Variants in AHNAK2 observed in about 807,000 individuals in gnomAD.
The protein encoded by AHNAK2 is protein AHNAK2.
AHNAK2 carries 18 observed loss-of-function variants against 30.7 expected under a neutral mutation model. The observed-to-expected ratio is 0.59, with a 90% CI of 0.41 to 0.87. The LOEUF (loss-of-function observed/expected upper bound fraction) is 0.87. Among genes scored for constraint, AHNAK2 ranks in the 40% least tolerant of loss-of-function variants. The pLI is 0.00. For missense variants in AHNAK2, 8,604 were observed against 7,373.0 expected (o/e 1.17, Z -6.11); for synonymous variants, 3,590 against 3,073.8 (o/e 1.17, Z -5.56).
Position 104,939,303 on chromosome 14 carries a change from G to C in AHNAK2, c.16148C>G (p.Thr5383Ser). The change falls in exon 7 of 7, where the codon ACT (threonine) becomes AGT (serine). Residue 5383 changes from threonine to serine, a missense_variant. Physicochemically the swap from Thr to Ser is moderately conservative, Grantham distance 58. Coordinates refer to ENST00000333244, the MANE Select transcript of AHNAK2 (RefSeq NM_138420.4). ...VDQLWEDSVL[T>S]VKFPKLMVPR... Reference sequence around the variant, plus strand: ...TACCATTAATTTGGGGAATTTGACAGTTAGGACAGAATCTTCCCACAGTTG... The same window carrying C: ...TACCATTAATTTGGGGAATTTGACACTTAGGACAGAATCTTCCCACAGTTG... 6.2e-7 allele frequency: 1 copy of C among 1,613,798 alleles called. No individual in the cohort carries two copies. The highest frequency in any genetic ancestry group is 8.5e-7 in the Non-Finnish European group (1 of 1,179,840).
At chr14:104,968,405 G>A (rs771116362) in intron 1 of AHNAK2, among the ~76,000 whole-genome samples, 5 of 152,184 alleles carry the variant, frequency 3.3e-5, no homozygotes, top group African/African-American at 9.7e-5. Flanking sequence ...GCCGGGAGGC[G>A]GGGAGGGGCC....
chr14:104,946,940 A>C lies in AHNAK2; in HGVS notation c.8511T>G (p.Asp2837Glu). The C allele has an allele frequency of 6.2e-7, 1 of 1,612,238 alleles. No individual in the cohort carries two copies. The highest frequency in any genetic ancestry group is 8.5e-7 in the Non-Finnish European group (1 of 1,179,582). The change falls in exon 7 of 7, where the codon GAT becomes GAG. Residue 2837 changes from aspartate to glutamate, a missense_variant. Coordinates refer to ENST00000333244, the MANE Select transcript of AHNAK2 (RefSeq NM_138420.4). Reference protein sequence around the residue: ...APGKSIEASVDVSELKVEADG... With the variant: ...APGKSIEASVEVSELKVEADG... ...CAGCTTCCACCTTCAGCTCAGACAC[A>C]TCCACCGAGGCCTCGATGGACTTGC...
intron 4 of AHNAK2, among the ~76,000 whole-genome samples, chr14:104,956,261 G>A (rs1566922038): frequency 6.6e-6 from 1 of 152,156 alleles, no homozygotes; most frequent in Non-Finnish European, 1.5e-5. Context: ...CCCACAGCTT[G>A]AATATGCAAC....
chr14:104,973,530 C>T (rs1431880265), intron 1 of AHNAK2, among the ~76,000 whole-genome samples: 4 of 152,178 alleles, frequency 2.6e-5, no homozygotes, highest in Admixed American at 6.5e-5. Context: ...CTCCTGCCCA[C>T]CCAGGCGCCA....
rs376195156 is a variant in AHNAK2, at chr14:104,948,026, A to C, written c.7425T>G (p.Asp2475Glu). 3.6e-5 allele frequency: 58 copies of C among 1,611,562 alleles called. 2 individuals are homozygous for C. In the African/African-American group the frequency reaches 6.0e-4, roughly 17 times the overall value. Residue 2475 changes from aspartate to glutamate, a missense_variant, in exon 7 of 7, where the codon GAT (aspartate) becomes GAG (glutamate). Coordinates refer to ENST00000333244, the MANE Select transcript of AHNAK2 (RefSeq NM_138420.4). ...TGAACCTGCTGTCTTTGGTAGTCAC[A>C]TCCTTGTCCGCCACAGACAGGTCCC... The part of the protein sequence containing the change: ...LEGDLSVADK[D>E]VTTKDSRFKI...
chr14:104,948,210 A>G lies in AHNAK2; in HGVS notation c.7241T>C (p.Val2414Ala). The change falls in exon 7 of 7, where the codon GTA becomes GCA. Residue 2414 changes from valine to alanine, a missense_variant. Physicochemically the swap from Val to Ala is moderately conservative, Grantham distance 64 (BLOSUM62 0). Coordinates refer to ENST00000333244, the MANE Select transcript of AHNAK2 (RefSeq NM_138420.4). ...LQMPSFKMPK[V>A]DLKGPQIDVK... ...ATCTATCTGGGGGCCCTTGAGATCT[A>G]CTTTGGGCATCTTGAAACTGGGCAT... The G allele has an allele frequency of 6.2e-7, 1 of 1,611,786 alleles. No homozygotes were observed. Among genetic ancestry groups the G allele is most frequent in the Non-Finnish European group, 8.5e-7 (1 of 1,179,304 alleles).
Position 104,952,490 on chromosome 14 carries a change from G to C in AHNAK2, c.2961C>G (p.Ala987=), listed in dbSNP as rs371134105. ...GAWLEGDLSL[A]DKDVTAKDSK... ...TGTCTTTGGCAGTCACGTCCTTGTC[G>C]GCCAGGGACAGGTCCCCCTCCAGCC... The change falls in exon 7 of 7, where the codon GCC becomes GCG. Residue 987 remains alanine (A), a synonymous_variant. Transcript: ENST00000333244. 1 of 1,612,636 alleles carries C rather than the reference G, an allele frequency of 6.2e-7. No individual in the cohort carries two copies. Among genetic ancestry groups the C allele is most frequent in the East Asian group, 2.2e-5 (1 of 44,774 alleles).
chr14:104,942,027 A>G lies in AHNAK2; in HGVS notation c.13424T>C (p.Met4475Thr). The G allele has an allele frequency of 6.2e-7, 1 of 1,612,502 alleles. No homozygotes were observed. The highest frequency in any genetic ancestry group is 8.5e-7 in the Non-Finnish European group (1 of 1,179,458). Residue 4475 changes from methionine to threonine, a missense_variant, in exon 7 of 7, where the codon ATG becomes ACG. By Grantham distance (81) the Met-to-Thr change is moderately conservative (BLOSUM62 -1). Coordinates refer to ENST00000333244, the MANE Select transcript of AHNAK2 (RefSeq NM_138420.4). ...MPKFKMPSFG[M>T]LSPGKSIEVS... ...CTCGATGGACTTGCCTGGGGACAACATCCCAAAGGATGGCATCTTGAACTT... is the reference window on the plus strand; with the variant it reads ...CTCGATGGACTTGCCTGGGGACAACGTCCCAAAGGATGGCATCTTGAACTT...
intron 1 of AHNAK2, among the ~76,000 whole-genome samples, chr14:104,969,928 C>T (rs1406997418): frequency 6.6e-6 from 1 of 152,016 alleles, no homozygotes; most frequent in Non-Finnish European, 1.5e-5. Flanking sequence ...CTCGGGCACC[C>T]CCAGGAGAGT....
At position 104,953,155 on chromosome 14, in the gene AHNAK2, A is replaced by G. The variant is rs530314146; in HGVS notation, c.2296T>C (p.Leu766=). The G allele has an allele frequency of 2.5e-6, 4 of 1,612,856 alleles. No homozygotes were observed. The East Asian group carries it at 6.7e-5, about 27-fold the overall frequency. Reference sequence around the variant, plus strand: ...TTGAGGTCCACTTTGGGCATCTTCAAACTGGGCCTCTGCACCTTGGGCAGG... The same window carrying G: ...TTGAGGTCCACTTTGGGCATCTTCAGACTGGGCCTCTGCACCTTGGGCAGG... The part of the protein sequence containing the change: ...GHLPKVQRPS[L]KMPKVDLKGP... Residue 766 remains leucine, a synonymous_variant, in exon 7 of 7, where the codon TTG becomes CTG. Coordinates refer to ENST00000333244, the MANE Select transcript of AHNAK2 (RefSeq NM_138420.4).
In AHNAK2 at chr14:104,947,897, G is replaced by A. The variant is rs544352456; in HGVS notation, c.7554C>T (p.Ser2518=). 3.9e-5 allele frequency: 63 copies of A among 1,612,574 alleles called. 1 individual carries two copies. Among genetic ancestry groups the A allele is most frequent in the African/African-American group, 1.3e-4 (10 of 74,472 alleles). The stretch of plus-strand genomic sequence containing the variant: ...TGAGGTCCCCCTGCATGGAGGAGAG[G>A]CTCCCGTCGGCCTCCACCTTCGGCG... ...VSAPKVEADG[S]LSSMQGDLKA... Residue 2518 remains serine (S), a synonymous_variant, in exon 7 of 7, where the codon AGC becomes AGT. Transcript: ENST00000333244.
At position 104,949,138 on chromosome 14, in the gene AHNAK2, C is replaced by T; in HGVS notation, c.6313G>A (p.Val2105Met). ...TCGACATCGGGGACTCTCATTTCCA[C>T]CTTGGGGTCTTTTAGGTCCAGTTTG... is the stretch of plus-strand genomic sequence containing the variant. ...GPKLDLKDPKVEMRVPDVEVS... is the reference protein window; with the variant it reads ...GPKLDLKDPKMEMRVPDVEVS... The change falls in exon 7 of 7, where the codon GTG becomes ATG. Residue 2105 changes from valine (V) to methionine (M), a missense_variant. By Grantham distance (21) the Val-to-Met change is conservative. Transcript: ENST00000333244. 3 of 1,071,540 alleles carry T rather than the reference C, an allele frequency of 2.8e-6. No homozygotes were observed. The highest frequency in any genetic ancestry group is 1.5e-5 in the South Asian group (1 of 65,196). 66.4% of individuals were successfully genotyped at this position (1,071,540 alleles called of 1,614,324 possible).
Position 104,955,578 on chromosome 14 carries a change from C to G in AHNAK2, c.371G>C (p.Ser124Thr). Residue 124 changes from serine to threonine, a missense_variant, in exon 5 of 7, where the codon AGT becomes ACT. By Grantham distance (58) the Ser-to-Thr change is moderately conservative (BLOSUM62 1). Coordinates refer to ENST00000333244, the MANE Select transcript of AHNAK2 (RefSeq NM_138420.4). Reference protein sequence around the residue: ...TLKTEVEAGASGYSVTGGGDQ... With the variant: ...TLKTEVEAGATGYSVTGGGDQ... ...CCCACCACCTGTGACACTGTAGCCACTGGCTCCTGCCTCCACCTCTGTCTT... is the reference window on the plus strand; with the variant it reads ...CCCACCACCTGTGACACTGTAGCCAGTGGCTCCTGCCTCCACCTCTGTCTT... The G allele has an allele frequency of 1.9e-6, 3 of 1,613,736 alleles. No individual in the cohort carries two copies. Among genetic ancestry groups the G allele is most frequent in the Non-Finnish European group, 2.5e-6 (3 of 1,179,840 alleles).
In AHNAK2 at chr14:104,940,037, G is replaced by C; in HGVS notation, c.15414C>G (p.Leu5138=). 6.2e-7 allele frequency: 1 copy of C among 1,611,134 alleles called. No individual in the cohort carries two copies. The highest frequency in any genetic ancestry group is 8.5e-7 in the Non-Finnish European group (1 of 1,178,316). ...AAGGCTGGCTCACTGGGACATCCCCGAGCCCACATCCTCTGCTGTCACCTT... is the reference window on the plus strand; with the variant it reads ...AAGGCTGGCTCACTGGGACATCCCCCAGCCCACATCCTCTGCTGTCACCTT... ...STEGDSRGCG[L]GDVPVSQPCG... is the part of the protein sequence containing the mutation. The change falls in exon 7 of 7, where the codon CTC becomes CTG. Residue 5138 remains leucine, a synonymous_variant. Transcript: ENST00000333244. The surrounding 1 kb of genome is among the most constrained non-coding windows in gnomAD (Gnocchi z 4.4).
In AHNAK2 at chr14:104,948,774, A is replaced by G. The variant is rs1408441680; in HGVS notation, c.6677T>C (p.Val2226Ala). The G allele has an allele frequency of 6.2e-7, 1 of 1,612,024 alleles. No individual in the cohort carries two copies. The highest frequency in any genetic ancestry group is 1.7e-5 in the Admixed American group (1 of 59,880). ...CCCTTTGAGGCCGACTTCCTCGGGC[A>G]CAGGGCCCTCCAGGAGTTTCACGTC... ...QVDVKLLEGP[V>A]PEEVGLKGHL... Residue 2226 changes from valine (V) to alanine (A), a missense_variant, in exon 7 of 7, where the codon GTG becomes GCG. Coordinates refer to ENST00000333244, the MANE Select transcript of AHNAK2 (RefSeq NM_138420.4).
chr14:104,957,567 T>C, intron 2 of AHNAK2, 47 bp downstream of exon 2: 1 of 1,599,872 alleles, frequency 6.3e-7, no homozygotes, highest in Non-Finnish European at 8.5e-7. Flanking sequence ...CCAGGGAGAA[T>C]GGGGGCAGGG....
In AHNAK2 at chr14:104,961,311, A is replaced by G. The variant is rs552294208; in HGVS notation, c.56-3639T>C. On this transcript the variant is annotated intron_variant, in intron 1 of 6. Coordinates refer to ENST00000333244, the MANE Select transcript of AHNAK2 (RefSeq NM_138420.4). The stretch of plus-strand genomic sequence containing the variant: ...GGGCGGATCACGAGGTCAGGAGATC[A>G]AAACCATCCTGGCTAACACAGTGAA... Among the ~76,000 whole-genome samples the G allele has an allele frequency of 4.1e-3, 615 of 151,766 alleles. 3 individuals carry two copies. Among genetic ancestry groups the G allele is most frequent in the Middle Eastern group, 6.8e-3 (2 of 292 alleles).
In AHNAK2 at chr14:104,948,556, G is replaced by C. The variant is rs750550083; in HGVS notation, c.6895C>G (p.Arg2299Gly). The change falls in exon 7 of 7, where the codon CGG (arginine) becomes GGG (glycine). Residue 2299 changes from arginine (R) to glycine (G), a missense_variant. Transcript: ENST00000333244. ...KAPGAKLDGA[R>G]LEGDMSLADK... ...GCCAGGGACATGTCCCCCTCCAGCC[G>C]CGCACCATCCAGCTTGGCTCCTGGG... is the stretch of plus-strand genomic sequence containing the variant. 2 of 1,610,088 alleles carry C rather than the reference G, an allele frequency of 1.2e-6. No individual in the cohort carries two copies. The highest frequency in any genetic ancestry group is 2.2e-5 in the East Asian group (1 of 44,584).
chr14:104,965,722 C>T (rs190445099), intron 1 of AHNAK2, among the ~76,000 whole-genome samples: 1 of 152,328 alleles, frequency 6.6e-6, no homozygotes, highest in African/African-American at 2.4e-5. Flanking sequence ...CCAGCTGCTC[C>T]CTGTCCCCTG....
Sources: allele counts gnomAD v4.1 joint callset (sites outside exome capture counted in the v4.1 genomes callset), GRCh38; gene constraint gnomAD v4.1.1; non-coding constraint Gnocchi (gnomAD v3.1); transcripts MANE v1.5; gene names NCBI Gene and HGNC (gene_info 2026-07-23, HGNC 2026-07-21).